EIF2B1: variants seen among roughly 807,000 people sequenced by gnomAD.
EIF2B1 encodes translation initiation factor eIF2B subunit alpha.
EIF2B1 carries 30 observed loss-of-function variants against 36.8 expected under a neutral mutation model. That is an observed-to-expected ratio of 0.81 (90% CI 0.61 to 1.10). The LOEUF (loss-of-function observed/expected upper bound fraction) is 1.10. Among genes scored for constraint, EIF2B1 ranks in the 50% least tolerant of loss-of-function variants. The pLI is 0.00. For synonymous variants in EIF2B1, 139 were observed against 142.2 expected (o/e 0.98, Z 0.16); for missense variants, 271 against 374.8 (o/e 0.72, Z 2.29).
At chr12:123,626,975 T>A (rs763941993) in intron 5 of EIF2B1, 69 bp downstream of exon 5, 3 of 1,401,364 alleles carry the variant, frequency 2.1e-6, no homozygotes, top group Non-Finnish European at 3.0e-6. Flanking sequence ...CTGATCCTGT[T>A]GGACTGTAAT....
At position 123,630,341 on chromosome 12, in the gene EIF2B1, T is replaced by C. The variant is rs1955178613; in HGVS notation, c.252+56A>G. ...GGGAAGATCCAGTTAATGCTGAGAATGTCTGTCACTAAACAGAGAAGTGGA... is the reference window on the plus strand; with the variant it reads ...GGGAAGATCCAGTTAATGCTGAGAACGTCTGTCACTAAACAGAGAAGTGGA... On this transcript the variant is annotated intron_variant, in intron 3 of 8. Coordinates refer to ENST00000424014, the MANE Select transcript of EIF2B1 (RefSeq NM_001414.4). The surrounding 1 kb of genome is among the most constrained non-coding windows in gnomAD (Gnocchi z 4.6). The C allele has an allele frequency of 1.9e-6, 3 of 1,614,010 alleles. No individual in the cohort carries two copies. Among genetic ancestry groups the C allele is most frequent in the South Asian group, 2.2e-5 (2 of 91,090 alleles).
At position 123,630,609 on chromosome 12, in the gene EIF2B1, C is replaced by G; in HGVS notation, c.116-76G>C. 1 of 1,578,604 alleles carries G rather than the reference C, an allele frequency of 6.3e-7. No individual in the cohort carries two copies. Among genetic ancestry groups the G allele is most frequent in the Non-Finnish European group, 8.6e-7 (1 of 1,159,288 alleles). ...GACCTGTATCTTCAATTCATTCATT[C>G]ATTCAGTGAATATTTACTAGGTACA... On this transcript the variant is annotated intron_variant, in intron 2 of 8. Coordinates refer to ENST00000424014, the MANE Select transcript of EIF2B1 (RefSeq NM_001414.4). This position sits in a 1 kb window ranked among gnomAD's most constrained non-coding sequence, Gnocchi z 4.6.
intron 8 of EIF2B1, 86 bp from the exon 9 acceptor site, chr12:123,622,006 C>T: frequency 6.5e-7 from 1 of 1,536,120 alleles, no homozygotes; most frequent in Non-Finnish European, 8.9e-7. Flanking sequence ...CAGTGTGCTA[C>T]TTCCTGAGAC....
At chr12:123,629,675 C>T (rs1398874734) in intron 4 of EIF2B1, among the ~76,000 whole-genome samples, 1 of 152,124 alleles carries the variant, frequency 6.6e-6, no homozygotes, top group African/African-American at 2.4e-5. Flanking sequence ...CACCTGTAGT[C>T]CCAGCTACTC....
intron 4 of EIF2B1, among the ~76,000 whole-genome samples, chr12:123,628,627 G>T (rs1955166203): frequency 6.6e-6 from 1 of 152,074 alleles, no homozygotes. Context: ...GCTTTCCAAA[G>T]TGCTGGGATT....
chr12:123,631,050 A>G (rs981226192), intron 2 of EIF2B1, among the ~76,000 whole-genome samples: 3 of 152,198 alleles, frequency 2.0e-5, no homozygotes, highest in African/African-American at 7.2e-5. Context: ...GAATTAGGGG[A>G]TCACAATAAA....
chr12:123,629,199 T>A (rs183218195), intron 4 of EIF2B1, among the ~76,000 whole-genome samples: 1 of 152,266 alleles, frequency 6.6e-6, no homozygotes, highest in East Asian at 1.9e-4. Flanking sequence ...AGGGGAGGCC[T>A]AGGTGGCAAA....
chr12:123,632,737 G>A (rs964558718), intron 1 of EIF2B1, among the ~76,000 whole-genome samples: 5 of 151,856 alleles, frequency 3.3e-5, no homozygotes, highest in African/African-American at 1.2e-4. Context: ...ACGAGGTCAG[G>A]AGATCGAGAC....
Position 123,626,465 on chromosome 12 carries a change from G to A in EIF2B1, c.511C>T (p.Leu171Phe), listed in dbSNP as rs112623314. 1 of 1,614,186 alleles carries A rather than the reference G, an allele frequency of 6.2e-7. No homozygotes were observed. The highest frequency in any genetic ancestry group is 8.5e-7 in the Non-Finnish European group (1 of 1,180,006). The change falls in exon 6 of 9, where the codon CTC (leucine) becomes TTC (phenylalanine). Residue 171 changes from leucine to phenylalanine, a missense_variant. Transcript: ENST00000424014. ...AGCACCACAGTGACAGGGACGTTGA[G>A]GTGGCAGAGGGCTTTGGCCATTTTC... The part of the protein sequence containing the change: ...GKKMAKALCH[L>F]NVPVTVVLDA...
chr12:123,622,862 C>T (rs1025106398), intron 7 of EIF2B1, 101 bp from the exon 8 acceptor site: 8 of 1,576,892 alleles, frequency 5.1e-6, no homozygotes, highest in African/African-American at 1.3e-5. Flanking sequence ...TGTATTCCAG[C>T]ATTTTGGGAG....
chr12:123,625,696 G>A (rs1036236741), intron 6 of EIF2B1, among the ~76,000 whole-genome samples: 2 of 152,160 alleles, frequency 1.3e-5, no homozygotes, highest in African/African-American at 4.8e-5. Flanking sequence ...CATGTGACTT[G>A]GCTTTGCGAC....
intron 4 of EIF2B1, 179 bp downstream of exon 4, chr12:123,629,990 A>C (rs982550249): frequency 1.3e-5 from 9 of 673,384 alleles, no homozygotes; most frequent in Non-Finnish European, 2.1e-5. Context: ...TCCTCACAAC[A>C]ACCCAAGGAG....
In EIF2B1 at chr12:123,620,954, G is replaced by A. The variant is rs1955085702; in HGVS notation, c.*802C>T. 1.3e-5 allele frequency: 2 copies of A among 152,314 alleles called. No individual in the cohort carries two copies. Among genetic ancestry groups the A allele is most frequent in the Non-Finnish European group, 2.9e-5 (2 of 68,232 alleles). 9.4% of individuals were successfully genotyped at this position (152,314 alleles called of 1,614,324 possible). Reference sequence around the variant, plus strand: ...TCCTGATTGCCTGGGTCTTAAGTGTGTAAATGTAGCTGGACAGTGTTTTCC... The same window carrying A: ...TCCTGATTGCCTGGGTCTTAAGTGTATAAATGTAGCTGGACAGTGTTTTCC... On this transcript the variant is annotated 3_prime_UTR_variant, in exon 9 of 9. Transcript: ENST00000424014.
At chr12:123,629,859 C>A (rs79015071) in intron 4 of EIF2B1, among the ~76,000 whole-genome samples, 2,108 of 152,232 alleles carry the variant, frequency 0.014, 41 homozygotes, top group African/African-American at 0.048. Context: ...TCCCTCTCTG[C>A]CTGTTTACAA....
intron 6 of EIF2B1, 149 bp downstream of exon 6, chr12:123,626,276 C>T: frequency 4.7e-6 from 4 of 852,708 alleles, no homozygotes; most frequent in South Asian, 3.2e-5. Flanking sequence ...TCATAACAAG[C>T]TTGCTGGTTT....
At chr12:123,625,826 T>G (rs1287570494) in intron 6 of EIF2B1, 1 of 160,950 alleles carries the variant, frequency 6.2e-6, no homozygotes, top group Non-Finnish European at 1.4e-5. Context: ...CTTTGTACTT[T>G]GCTCTTAAAA....
In EIF2B1 at chr12:123,630,344, C is replaced by T. The variant is rs2135766296; in HGVS notation, c.252+53G>A. The stretch of plus-strand genomic sequence containing the variant: ...AAGATCCAGTTAATGCTGAGAATGT[C>T]TGTCACTAAACAGAGAAGTGGAAAG... On this transcript the variant is annotated intron_variant, in intron 3 of 8. Transcript: ENST00000424014. This position sits in a 1 kb window ranked among gnomAD's most constrained non-coding sequence, Gnocchi z 4.6. 6.2e-7 allele frequency: 1 copy of T among 1,614,138 alleles called. No individual in the cohort carries two copies. Among genetic ancestry groups the T allele is most frequent in the East Asian group, 2.2e-5 (1 of 44,890 alleles).
At chr12:123,629,570 G>C (rs1955172789) in intron 4 of EIF2B1, among the ~76,000 whole-genome samples, 1 of 152,098 alleles carries the variant, frequency 6.6e-6, no homozygotes, top group African/African-American at 2.4e-5. Context: ...GAAGCGGGTG[G>C]ATCACAAGGT....
At chr12:123,625,087 G>A (rs147981305) in intron 6 of EIF2B1, among the ~76,000 whole-genome samples, 20 of 152,110 alleles carry the variant, frequency 1.3e-4, no homozygotes, top group African/African-American at 4.3e-4. Context: ...GCCGCCCGGC[G>A]CATGCACACG....
Sources: allele counts gnomAD v4.1 joint callset (sites outside exome capture counted in the v4.1 genomes callset), GRCh38; gene constraint gnomAD v4.1.1; non-coding constraint Gnocchi (gnomAD v3.1); transcripts MANE v1.5; gene names NCBI Gene and HGNC (gene_info 2026-07-23, HGNC 2026-07-21).